The following REV3L variants were observed in gnomAD, a reference collection of about 807,000 sequenced individuals.
The protein encoded by REV3L is DNA polymerase zeta catalytic subunit.
Under a neutral mutation model 299.4 loss-of-function variants are expected in REV3L, and 69 were observed. The ratio of observed to expected loss-of-function variants is 0.23; its 90% CI spans 0.19 to 0.28. The LOEUF is 0.28. REV3L is among the 10% of genes least tolerant of loss of function. The pLI is 1.00. For synonymous variants in REV3L, 1,238 were observed against 1,271.4 expected (o/e 0.97, Z 0.56); for missense variants, 3,128 against 3,693.8 (o/e 0.85, Z 3.97).
chr6:111,350,054 T>C (rs1454743476), intron 19 of REV3L, among the ~76,000 whole-genome samples: 3 of 152,182 alleles, frequency 2.0e-5, no homozygotes, highest in African/African-American at 7.2e-5. Context: ...AATAAAAATA[T>C]TTACCATATT....
intron 1 of REV3L, among the ~76,000 whole-genome samples, chr6:111,429,775 C>T (rs1786652729): frequency 6.6e-6 from 1 of 152,104 alleles, no homozygotes; most frequent in African/African-American, 2.4e-5. Context: ...CGCCGCACTG[C>T]CTGGGCCTGG....
intron 1 of REV3L, among the ~76,000 whole-genome samples, chr6:111,426,753 T>A (rs965763842): frequency 2.0e-5 from 3 of 152,250 alleles, no homozygotes; most frequent in Non-Finnish European, 2.9e-5. Flanking sequence ...TGATTTTCAA[T>A]AACTATGAAA....
At chr6:111,303,165 C>CTTTCTTTCTTTTTTTTT (rs4038141) in intron 31 of REV3L, among the ~76,000 whole-genome samples, 2 of 92,342 alleles carry the variant, frequency 2.2e-5, no homozygotes, top group Admixed American at 1.5e-4. Context: ...TCTTTTCTTT[C>CTTTCTTTCTTTTTTTTT]TTTTTTTTTT....
rs1793936483 is a variant in REV3L, at chr6:111,482,896, G to A, written c.-8C>T. On this transcript the variant is annotated 5_prime_UTR_variant, in exon 1 of 32. Transcript: ENST00000368802. ...TATCCTTACTGAAAACATGTTCGCC[G>A]CCGCCGCCACTGCCTCCCTTCACTG... 2 of 1,510,958 alleles carry A rather than the reference G, an allele frequency of 1.3e-6. No homozygotes were observed. The highest frequency in any genetic ancestry group is 1.3e-5 in the South Asian group (1 of 76,068). 93.6% of individuals were successfully genotyped at this position (1,510,958 alleles called of 1,614,324 possible). A position where few individuals can be genotyped will look rare whatever the true frequency, so the allele number is the denominator to read the frequency against.
At chr6:111,389,951 A>C (rs1781742004) in intron 6 of REV3L, 135 bp downstream of exon 6, 1 of 531,240 alleles carries the variant, frequency 1.9e-6, no homozygotes, top group Non-Finnish European at 3.4e-6. Context: ...GTTGGCCAGG[A>C]TGGTCTCGAT....
chr6:111,414,766 C>T (rs900512636), intron 2 of REV3L, among the ~76,000 whole-genome samples: 1 of 152,126 alleles, frequency 6.6e-6, no homozygotes. Flanking sequence ...TTGCAGTCAA[C>T]CTTGATTCCT....
At chr6:111,430,600 G>C in intron 1 of REV3L, 3 of 1,538,464 alleles carry the variant, frequency 1.9e-6, no homozygotes, top group Admixed American at 1.7e-5. Flanking sequence ...CAGGAAGACA[G>C]AACAGACACC....
Position 111,443,273 on chromosome 6 carries a change from C to T in REV3L, c.140-26801G>A, listed in dbSNP as rs983962009. On this transcript the variant is annotated intron_variant, in intron 1 of 31. Transcript: ENST00000368802. ...AAGCCATTCTCATGCCTCAGCCTTCCGAGTAGCTGGGACTACAGGCGCCGC... is the reference window on the plus strand; with the variant it reads ...AAGCCATTCTCATGCCTCAGCCTTCTGAGTAGCTGGGACTACAGGCGCCGC... 5.3e-5 allele frequency among the ~76,000 whole-genome samples: 8 copies of T among 152,088 alleles called. No homozygotes were observed. The Middle Eastern group carries it at 0.014, about 259-fold the overall frequency.
chr6:111,465,355 A>T (rs1444477096), intron 1 of REV3L, among the ~76,000 whole-genome samples: 1 of 151,166 alleles, frequency 6.6e-6, no homozygotes, highest in Non-Finnish European at 1.5e-5. Flanking sequence ...TGCTGTGATT[A>T]CAGGCATGAG....
At chr6:111,483,462 TGAGGGGCAGCGG>T, upstream of REV3L, 1 of 423,428 alleles carries the variant, frequency 2.4e-6, no homozygotes, top group South Asian at 2.4e-5. Context: ...GTCACCTGGG[TGAGGGGCAGCGG>T]AAGGGGCGGC....
chr6:111,412,535 G>C (rs576792772), intron 2 of REV3L, among the ~76,000 whole-genome samples: 1 of 152,026 alleles, frequency 6.6e-6, no homozygotes, highest in South Asian at 2.1e-4. Flanking sequence ...GTTAATACAC[G>C]GTTAAATCTT....
intron 21 of REV3L, among the ~76,000 whole-genome samples, chr6:111,338,877 C>CT (rs1235135045): frequency 6.6e-6 from 1 of 152,018 alleles, no homozygotes; most frequent in Non-Finnish European, 1.5e-5. Flanking sequence ...AGAATATAGT[C>CT]TAAGAGATTT....
In REV3L at chr6:111,374,219, G is replaced by A. The variant is rs1582742518; in HGVS notation, c.4136C>T (p.Ser1379Phe). 2.5e-6 allele frequency: 4 copies of A among 1,613,576 alleles called. No homozygotes were observed. In the African/African-American group the frequency reaches 5.3e-5, roughly 22 times the overall value. Residue 1379 changes from serine to phenylalanine, a missense_variant, in exon 13 of 32, where the codon TCC becomes TTC. By Grantham distance (155) the Ser-to-Phe change is radical. This residue lies in a region of REV3L where 2,409 missense variants were observed against 2,611.8 expected (regional missense o/e 0.92). Transcript: ENST00000368802. ...ATTTGCATTATCTTCTATCTTTGAG[G>A]ACATACCAGAAGATATCTGTGTATT... Reference protein sequence around the residue: ...AQNTQISSGMSSKIEDNANNI... With the variant: ...AQNTQISSGMFSKIEDNANNI...
chr6:111,342,018 A>G (rs1365006086), intron 21 of REV3L, among the ~76,000 whole-genome samples: 2 of 152,048 alleles, frequency 1.3e-5, no homozygotes, highest in Non-Finnish European at 2.9e-5. Context: ...AGAAAGGCCT[A>G]CTCTAGATAA....
intron 18 of REV3L, among the ~76,000 whole-genome samples, chr6:111,353,336 C>T (rs1427496267): frequency 6.6e-6 from 1 of 152,050 alleles, no homozygotes; most frequent in Non-Finnish European, 1.5e-5. Context: ...TCGTTTTTAC[C>T]TAGTCAATAA....
chr6:111,382,378 C>A (rs530510557), intron 9 of REV3L, among the ~76,000 whole-genome samples: 2 of 152,130 alleles, frequency 1.3e-5, no homozygotes, highest in Non-Finnish European at 2.9e-5. Flanking sequence ...TCTTGAGGCA[C>A]GGAGAGAGAA....
chr6:111,420,606 A>G (rs1475640845), intron 1 of REV3L, among the ~76,000 whole-genome samples: 2 of 152,214 alleles, frequency 1.3e-5, no homozygotes, highest in Admixed American at 6.5e-5. Flanking sequence ...GAACAAGCCC[A>G]TGTACACAGG....
chr6:111,412,780 A>AC (rs1784382550), intron 2 of REV3L, among the ~76,000 whole-genome samples: 2 of 151,334 alleles, frequency 1.3e-5, no homozygotes, highest in South Asian at 2.1e-4. Flanking sequence ...AAAAAAAAAA[A>AC]ACAACTATTT....
At chr6:111,458,777 CAG>C (rs1790435958) in intron 1 of REV3L, among the ~76,000 whole-genome samples, 1 of 151,852 alleles carries the variant, frequency 6.6e-6, no homozygotes, top group South Asian at 2.1e-4. Flanking sequence ...CTTAAAGAAT[CAG>C]AAATGACACA....
Sources: gnomAD v4.1 joint callset for allele counts (sites outside exome capture counted in the v4.1 genomes callset) on GRCh38, gnomAD v4.1.1 for gene constraint, gnomAD v4.1.1 regional missense constraint, MANE v1.5 for transcripts, NCBI Gene and HGNC (gene_info 2026-07-23, HGNC 2026-07-21) for gene names.